Variants in MAP2K5 observed in about 807,000 individuals in gnomAD.
MAP2K5 encodes mitogen-activated protein kinase kinase 5.
A neutral mutation model predicts 83.1 loss-of-function variants in MAP2K5; 49 were observed. The ratio of observed to expected loss-of-function variants is 0.59; its 90% confidence interval spans 0.47 to 0.75. The LOEUF (loss-of-function observed/expected upper bound fraction) is 0.75, where lower values mean the gene tolerates loss of function less well. Ranked by LOEUF, MAP2K5 falls within the 30% of genes least tolerant of loss-of-function variation. The pLI is 0.00. For missense variants in MAP2K5, 457 were observed against 557.5 expected, an observed-to-expected ratio of 0.82 and a Z score of 1.82; for synonymous variants, 202 against 191.8, an observed-to-expected ratio of 1.05 and a Z score of -0.44.
At chr15:67,586,193 T>TAA (rs2085286025) in intron 5 of MAP2K5, among the ~76,000 whole-genome samples, 1 of 152,236 alleles carries the variant, frequency 6.6e-6, no homozygotes, top group South Asian at 2.1e-4. Flanking sequence ...TCCTAGGTGC[T>TAA]GGTATCTACA....
At chr15:67,606,954 G>A (rs2141036349) in intron 8 of MAP2K5, among the ~76,000 whole-genome samples, 1 of 152,316 alleles carries the variant, frequency 6.6e-6, no homozygotes, top group East Asian at 1.9e-4. Flanking sequence ...CAACCAACCT[G>A]AAGGTGTGAA....
chr15:67,575,251 G>A (rs2085029456), intron 3 of MAP2K5, among the ~76,000 whole-genome samples: 1 of 152,006 alleles, frequency 6.6e-6, no homozygotes, highest in South Asian at 2.1e-4. Context: ...TGTAAAATGA[G>A]AAGGCTAATG....
chr15:67,544,092 G>A (rs1045253941), intron 1 of MAP2K5, among the ~76,000 whole-genome samples: 4 of 152,234 alleles, frequency 2.6e-5, no homozygotes, highest in African/African-American at 9.6e-5. Context: ...TAGAGACGAG[G>A]TATTGCCATG....
rs116389746 is a variant in MAP2K5 at position 67,702,012 on chromosome 15, T to C, written c.973-1325T>C. Among the ~76,000 whole-genome samples, 698 of 152,316 alleles carry C rather than the reference T, an allele frequency of 4.6e-3. 5 individuals are homozygous for C. The highest frequency in any genetic ancestry group is 0.016 in the African/African-American group (673 of 41,568). The stretch of plus-strand genomic sequence containing the variant: ...ACTTACTAAGCCTCAGTTTTTACAT[T>C]TGTAAACTGAGGGCAATAATACCTA... On this transcript the variant is annotated intron_variant, in intron 15 of 21. Transcript: ENST00000178640. This position sits in a 1 kb window ranked among gnomAD's most constrained non-coding sequence, Gnocchi z 4.6.
In MAP2K5 at chr15:67,573,098, A is replaced by G. The variant is rs2084981425; in HGVS notation, c.253-7656A>G. Among the ~76,000 whole-genome samples, 2 of 152,142 alleles carry G rather than the reference A, an allele frequency of 1.3e-5. No individual in the cohort carries two copies. The highest frequency in any genetic ancestry group is 4.8e-5 in the African/African-American group (2 of 41,428). ...TGGGTATGTTTAGTAAACGTTATCA[A>G]TCTGTTCCCTTAATCATAAATAGCT... On this transcript the variant is annotated intron_variant, in intron 3 of 21. Coordinates refer to ENST00000178640, the MANE Select transcript of MAP2K5 (RefSeq NM_145160.3). The surrounding 1 kb of genome is among the most constrained non-coding windows in gnomAD (Gnocchi z 4.2).
In MAP2K5 at chr15:67,755,596, C is replaced by T. The variant is rs1356511991; in HGVS notation, c.1134+6995C>T. Among the ~76,000 whole-genome samples, 2 of 152,138 alleles carry T rather than the reference C, an allele frequency of 1.3e-5. No individual in the cohort carries two copies. The highest frequency in any genetic ancestry group is 2.4e-5 in the African/African-American group (1 of 41,418). ...CAAGTGAAGAGTCCATGTGAGGCCT[C>T]TTGTGAGTCCAGATGTTTGGTGGGG... On this transcript the variant is annotated intron_variant, in intron 19 of 21. Transcript: ENST00000178640. The surrounding 1 kb of genome is among the most constrained non-coding windows in gnomAD (Gnocchi z 4.7).
chr15:67,727,579 G>C lies in MAP2K5; in HGVS notation c.1045-337G>C, dbSNP rs1360158717. Among the ~76,000 whole-genome samples the C allele has an allele frequency of 9.3e-4, 142 of 152,160 alleles. 4 individuals are homozygous for C. Among genetic ancestry groups the C allele is most frequent in the Admixed American group, 9.3e-3 (142 of 15,286 alleles). On this transcript the variant is annotated intron_variant, in intron 16 of 21. Transcript: ENST00000178640. ...CCCATTTTACAAGACTAAAAGCAAAGAGTTTTTACATCTCTGTCTAGAAGA... is the reference window on the plus strand; with the variant it reads ...CCCATTTTACAAGACTAAAAGCAAACAGTTTTTACATCTCTGTCTAGAAGA...
intron 7 of MAP2K5, among the ~76,000 whole-genome samples, chr15:67,593,200 A>T (rs1487690876): frequency 2.6e-5 from 4 of 152,248 alleles, no homozygotes; most frequent in Non-Finnish European, 4.4e-5. Context: ...CCCTGCTGCC[A>T]TCTCAGTTTT....
rs1477333578 is a variant in MAP2K5, at chr15:67,757,588, G to A, written c.1134+8987G>A. 2.0e-5 allele frequency among the ~76,000 whole-genome samples: 3 copies of A among 152,212 alleles called. No individual in the cohort carries two copies. The highest frequency in any genetic ancestry group is 2.9e-5 in the Non-Finnish European group (2 of 68,010). On this transcript the variant is annotated intron_variant, in intron 19 of 21. Transcript: ENST00000178640. This position sits in a 1 kb window ranked among gnomAD's most constrained non-coding sequence, Gnocchi z 4.9. The stretch of plus-strand genomic sequence containing the variant: ...TGTGTTAATCCCAGAGCTCGGTACC[G>A]GGGATAGAGAATGAATAAGATGCTC...
rs549186594 is a variant in MAP2K5 at position 67,648,748 on chromosome 15, C to T, written c.736+2279C>T. 5.9e-5 allele frequency among the ~76,000 whole-genome samples: 9 copies of T among 152,144 alleles called. 1 individual carries two copies. The highest frequency in any genetic ancestry group is 2.2e-4 in the African/African-American group (9 of 41,526). On this transcript the variant is annotated intron_variant, in intron 11 of 21. Transcript: ENST00000178640. Reference sequence around the variant, plus strand: ...TACAGGCGCGTGCCACCATGCCCAGCTAAGTTTTGTATTTTCAGTAGAGAC... The same window carrying T: ...TACAGGCGCGTGCCACCATGCCCAGTTAAGTTTTGTATTTTCAGTAGAGAC...
Position 67,562,121 on chromosome 15 carries a change from A to G in MAP2K5, c.185-1162A>G, listed in dbSNP as rs1441749246. Among the ~76,000 whole-genome samples the G allele has an allele frequency of 6.6e-6, 1 of 152,246 alleles. No individual in the cohort carries two copies. The highest frequency in any genetic ancestry group is 1.5e-5 in the Non-Finnish European group (1 of 68,036). ...ACACCAGAACTGAGGCATCCTGCTG[A>G]GAGCCTGCCCCTTCCAAGTTGTCCC... On this transcript the variant is annotated intron_variant, in intron 2 of 21. Transcript: ENST00000178640. This position sits in a 1 kb window ranked among gnomAD's most constrained non-coding sequence, Gnocchi z 4.1.
intron 13 of MAP2K5, among the ~76,000 whole-genome samples, chr15:67,674,015 A>C (rs2087616282): frequency 6.6e-6 from 1 of 151,938 alleles, no homozygotes; most frequent in Non-Finnish European, 1.5e-5. Context: ...TGCCCGGCTA[A>C]TTTTTGTATT....
chr15:67,617,391 G>A (rs1488344967), intron 8 of MAP2K5, among the ~76,000 whole-genome samples: 1 of 152,166 alleles, frequency 6.6e-6, no homozygotes, highest in Non-Finnish European at 1.5e-5. Context: ...ATAGAAAATA[G>A]ATGCCTACTT....
chr15:67,557,877 T>C (rs2084660449), intron 2 of MAP2K5, among the ~76,000 whole-genome samples: 1 of 152,156 alleles, frequency 6.6e-6, no homozygotes, highest in Non-Finnish European at 1.5e-5. Context: ...TGTAAAAATA[T>C]AAAGGGTCAT....
At chr15:67,701,541 T>C (rs527523167) in intron 15 of MAP2K5, among the ~76,000 whole-genome samples, 9 of 152,002 alleles carry the variant, frequency 5.9e-5, no homozygotes, top group Non-Finnish European at 1.3e-4. Flanking sequence ...TAGAGAAAGG[T>C]TTCACCCTCA....
chr15:67,642,570 CT>C, intron 9 of MAP2K5: 1 of 876,230 alleles, frequency 1.1e-6, no homozygotes, highest in South Asian at 1.3e-5. Flanking sequence ...CAATCAGTGC[CT>C]GGAGAAGAGA....
At chr15:67,653,478 T>C (rs895562651) in intron 11 of MAP2K5, among the ~76,000 whole-genome samples, 3 of 152,078 alleles carry the variant, frequency 2.0e-5, no homozygotes, top group Non-Finnish European at 4.4e-5. Flanking sequence ...GTATTTTTAG[T>C]AGAGACAGGG....
chr15:67,624,495 G>A (rs1020898133), intron 8 of MAP2K5, among the ~76,000 whole-genome samples: 1 of 151,956 alleles, frequency 6.6e-6, no homozygotes, highest in South Asian at 2.1e-4. Flanking sequence ...ATGGTCTTTG[G>A]CCTGATTGAA....
chr15:67,626,751 T>A (rs951429257), intron 8 of MAP2K5, among the ~76,000 whole-genome samples: 1 of 151,322 alleles, frequency 6.6e-6, no homozygotes, highest in Non-Finnish European at 1.5e-5. Context: ...TTAAAAAAAA[T>A]TAGCCAGGCA....
Sources: allele counts gnomAD v4.1 joint callset (sites outside exome capture counted in the v4.1 genomes callset), GRCh38; gene constraint gnomAD v4.1.1; non-coding constraint Gnocchi (gnomAD v3.1); transcripts MANE v1.5; gene names NCBI Gene and HGNC (gene_info 2026-07-23, HGNC 2026-07-21).